The following CDH1 variants were observed in gnomAD, a reference collection of about 807,000 sequenced individuals.
The protein encoded by CDH1 is cadherin-1.
In CDH1, 35 loss-of-function variants were observed where a neutral mutation model predicts 84.5. The ratio of observed to expected loss-of-function variants is 0.41; its 90% CI spans 0.32 to 0.55. The LOEUF is 0.55. Ranked by LOEUF, CDH1 falls within the 20% of genes least tolerant of loss-of-function variation. The pLI, the probability that CDH1 is intolerant of heterozygous loss-of-function variation, is 0.19. For synonymous variants in CDH1, 417 were observed against 439.0 expected (o/e 0.95, Z 0.63); for missense variants, 994 against 1,126.6 (o/e 0.88, Z 1.68).
At chr16:68,820,137 T>C (rs1961100194) in intron 11 of CDH1, among the ~76,000 whole-genome samples, 2 of 151,994 alleles carry the variant, frequency 1.3e-5, no homozygotes, top group East Asian at 3.9e-4. Context: ...AGGTGGAGGC[T>C]GCAGTGAGCC....
In CDH1 at chr16:68,801,794, C is replaced by G. The variant is rs768648027; in HGVS notation, c.288C>G (p.Ile96Met). 3 of 1,614,174 alleles carry G rather than the reference C, an allele frequency of 1.9e-6. No homozygotes were observed. In the South Asian group the frequency reaches 3.3e-5, roughly 18 times the overall value. Residue 96 changes from isoleucine (I) to methionine (M), a missense_variant, in exon 3 of 16, where the codon ATC becomes ATG. This residue lies in a region of CDH1 where 203 missense variants were observed against 194.0 expected (regional missense o/e 1.05). Transcript: ENST00000261769. ...KRPLRFHNPQ[I>M]HFLVYAWDST... ...CTCTACGGTTTCATAACCCACAGAT[C>G]CATTTCTTGGTCTACGCCTGGGACT...
At chr16:68,739,004 G>C (rs1962486937) in intron 2 of CDH1, among the ~76,000 whole-genome samples, 1 of 127,060 alleles carries the variant, frequency 7.9e-6, no homozygotes, top group South Asian at 2.5e-4. Flanking sequence ...CTGGAGTGCA[G>C]TGGCACAATC....
intron 2 of CDH1, among the ~76,000 whole-genome samples, chr16:68,787,387 C>G (rs370742689): frequency 2.6e-5 from 4 of 152,196 alleles, no homozygotes; most frequent in African/African-American, 9.7e-5. Context: ...GGGTTAAAAA[C>G]CCCTACCTGC....
At chr16:68,751,793 G>A (rs969524176) in intron 2 of CDH1, among the ~76,000 whole-genome samples, 11 of 150,542 alleles carry the variant, frequency 7.3e-5, no homozygotes, top group African/African-American at 2.2e-4. Context: ...ATGAGCCACC[G>A]TGCCTGGCCC....
At chr16:68,749,445 A>G (rs1180338126) in intron 2 of CDH1, among the ~76,000 whole-genome samples, 1 of 152,226 alleles carries the variant, frequency 6.6e-6, no homozygotes, top group Non-Finnish European at 1.5e-5. Flanking sequence ...TCTTGTGTCA[A>G]TAGATACAGA....
At chr16:68,761,759 T>C (rs1158133718) in intron 2 of CDH1, among the ~76,000 whole-genome samples, 1 of 151,852 alleles carries the variant, frequency 6.6e-6, no homozygotes, top group African/African-American at 2.4e-5. Flanking sequence ...GGGAAGGGTG[T>C]TCTAGACGGA....
intron 2 of CDH1, chr16:68,765,189 T>C (rs1959331173): frequency 6.6e-6 from 1 of 152,050 alleles, no homozygotes; most frequent in Non-Finnish European, 1.5e-5. Context: ...TAAATTGCTT[T>C]TTTATTTTTA....
rs1294082211 is a variant in CDH1 at position 68,834,261 on chromosome 16, C to A, written c.*762C>A. ...GAGCCACTGCACCTGCCCAGCTCCC[C>A]AACTCCCTGCCATTTTTTAAGAGAC... is the stretch of plus-strand genomic sequence containing the variant. On this transcript the variant is annotated 3_prime_UTR_variant, in exon 16 of 16. Coordinates refer to ENST00000261769, the MANE Select transcript of CDH1 (RefSeq NM_004360.5). 3.9e-6 allele frequency: 2 copies of A among 511,006 alleles called. No individual in the cohort carries two copies. Among genetic ancestry groups the A allele is most frequent in the Admixed American group, 2.3e-5 (1 of 44,090 alleles). The allele number at this position is 511,006 out of a possible 1,614,324, so 31.7% of individuals were successfully genotyped here. A position where few individuals can be genotyped will look rare whatever the true frequency, so the allele number is the denominator to read the frequency against.
rs1409396245 is a variant in CDH1 at position 68,745,615 on chromosome 16, A to ATATATATGTGTATATATATGTATGTGTG, written c.163+7211_163+7212insGTGTATATATATGTATGTGTGTATATAT. Among the ~76,000 whole-genome samples the ATATATATGTGTATATATATGTATGTGTG allele has an allele frequency of 1.4e-4, 20 of 144,396 alleles. 1 individual carries two copies. The South Asian group carries it at 4.1e-3, about 30-fold the overall frequency. 94.7% of individuals were successfully genotyped at this position (144,396 alleles called of 152,430 possible). A position where few individuals can be genotyped will look rare whatever the true frequency, so the allele number is the denominator to read the frequency against. On this transcript the variant is annotated intron_variant, in intron 2 of 15. Coordinates refer to ENST00000261769, the MANE Select transcript of CDH1 (RefSeq NM_004360.5). ...TGTGTATATATATGTATGTGTATATATATATATATATGTATATATATTTCA... is the reference window on the plus strand; with the variant it reads ...TGTGTATATATATGTATGTGTATATATATATATGTGTATATATATGTATGTGTGTATATATATATGTATATATATTTCA...
rs539873654 is a variant in CDH1 at position 68,796,830 on chromosome 16, G to T, written c.164-4840G>T. Among the ~76,000 whole-genome samples the T allele has an allele frequency of 1.4e-3, 206 of 152,120 alleles. 8 individuals are homozygous for T. The South Asian group carries it at 0.042, about 31-fold the overall frequency. ...ATACAAGGATATATAAGGAAAATATGTTGTTGTTGTTTTCAAACTGCCTCC... is the reference window on the plus strand; with the variant it reads ...ATACAAGGATATATAAGGAAAATATTTTGTTGTTGTTTTCAAACTGCCTCC... On this transcript the variant is annotated intron_variant, in intron 2 of 15. Transcript: ENST00000261769.
intron 2 of CDH1, among the ~76,000 whole-genome samples, chr16:68,796,163 TA>T (rs1308381078): frequency 1.3e-5 from 2 of 151,410 alleles, no homozygotes; most frequent in Non-Finnish European, 2.9e-5. Flanking sequence ...ACTCTGTCTT[TA>T]AAAACAAAAA....
At chr16:68,819,457 TC>T (rs766285383) in intron 11 of CDH1, 32 bp downstream of exon 11, 1 of 1,610,058 alleles carries the variant, frequency 6.2e-7, no homozygotes, top group Non-Finnish European at 8.5e-7. Context: ...CTTTGCTGCC[TC>T]GACCTCCTAG....
chr16:68,816,241 C>T (rs2152135411), intron 10 of CDH1, among the ~76,000 whole-genome samples: 1 of 152,308 alleles, frequency 6.6e-6, no homozygotes, highest in East Asian at 1.9e-4. Context: ...TGGTCTCGAA[C>T]TTCTGACCTC....
In CDH1 at chr16:68,811,906, T is replaced by C. The variant is rs34374107; in HGVS notation, c.1008+47T>C. On this transcript the variant is annotated intron_variant, in intron 7 of 15. Coordinates refer to ENST00000261769, the MANE Select transcript of CDH1 (RefSeq NM_004360.5). ...GAGGGTGTGGAGGACAAATGTGTATTAGCTCAATCCCGTGGACAAAGCAAA... is the reference window on the plus strand; with the variant it reads ...GAGGGTGTGGAGGACAAATGTGTATCAGCTCAATCCCGTGGACAAAGCAAA... The C allele has an allele frequency of 2.4e-3, 3,818 of 1,600,602 alleles. 96 individuals are homozygous for C. In the African/African-American group the frequency reaches 0.047, roughly 20 times the overall value.
intron 2 of CDH1, among the ~76,000 whole-genome samples, chr16:68,738,809 G>C (rs1296308319): frequency 1.3e-5 from 2 of 151,930 alleles, no homozygotes; most frequent in African/African-American, 4.8e-5. Flanking sequence ...ACTTGCTCAG[G>C]GTCAGCAGAG....
chr16:68,828,798 T>C (rs1304408335), intron 14 of CDH1, among the ~76,000 whole-genome samples: 1 of 152,212 alleles, frequency 6.6e-6, no homozygotes, highest in Non-Finnish European at 1.5e-5. Flanking sequence ...ACCCTGGAGT[T>C]GTCCAGGGAA....
chr16:68,746,196 C>A (rs541163354), intron 2 of CDH1, among the ~76,000 whole-genome samples: 6 of 151,964 alleles, frequency 3.9e-5, no homozygotes, highest in Non-Finnish European at 7.4e-5. Flanking sequence ...GAGGCCAAGG[C>A]GGGCAGATCA....
chr16:68,824,362 A>G (rs1319306357), intron 13 of CDH1, among the ~76,000 whole-genome samples: 1 of 152,160 alleles, frequency 6.6e-6, no homozygotes, highest in Non-Finnish European at 1.5e-5. Flanking sequence ...CCATAGGCAG[A>G]GTAGCAAGAC....
At chr16:68,784,356 C>G (rs909744366) in intron 2 of CDH1, among the ~76,000 whole-genome samples, 1 of 152,116 alleles carries the variant, frequency 6.6e-6, no homozygotes, top group African/African-American at 2.4e-5. Flanking sequence ...GCCTGACATT[C>G]TCCAGAGAGA....
Sources: gnomAD v4.1 joint callset for allele counts (sites outside exome capture counted in the v4.1 genomes callset) on GRCh38, gnomAD v4.1.1 for gene constraint, gnomAD v4.1.1 regional missense constraint, MANE v1.5 for transcripts, NCBI Gene and HGNC (gene_info 2026-07-23, HGNC 2026-07-21) for gene names.